SMARCA2: variants seen among roughly 807,000 people sequenced by gnomAD.
The protein encoded by SMARCA2 is SWI/SNF-related matrix-associated actin-dependent regulator of chromatin subfamily A member 2.
SMARCA2 carries 61 observed loss-of-function variants against 199.8 expected under a neutral mutation model. That is an observed-to-expected ratio of 0.31 (90% CI 0.25 to 0.38). The LOEUF (loss-of-function observed/expected upper bound fraction) is 0.38. Among genes scored for constraint, SMARCA2 ranks in the 10% least tolerant of loss-of-function variants. The probability of loss-of-function intolerance (pLI) is 1.00; values close to 1 mark genes in which losing one functional copy is unlikely to be tolerated. For synonymous variants in SMARCA2, 935 were observed against 732.0 expected (o/e 1.28, Z -4.48); for missense variants, 1,344 against 2,012.2 (o/e 0.67, Z 6.35).
At chr9:2,152,571 G>A (rs1027664846) in intron 27 of SMARCA2, among the ~76,000 whole-genome samples, 1 of 145,042 alleles carries the variant, frequency 6.9e-6, no homozygotes, top group Non-Finnish European at 1.5e-5. Context: ...AAAAAATAAG[G>A]TCGGGTGCAT....
intron 27 of SMARCA2, among the ~76,000 whole-genome samples, chr9:2,136,723 A>C (rs1195590819): frequency 6.6e-6 from 1 of 152,192 alleles, no homozygotes; most frequent in African/African-American, 2.4e-5. Context: ...AATATTGCAC[A>C]GTTAGCCACC....
intron 24 of SMARCA2, among the ~76,000 whole-genome samples, chr9:2,113,348 G>A (rs1004665773): frequency 1.2e-4 from 18 of 152,156 alleles, no homozygotes; most frequent in African/African-American, 3.9e-4. Flanking sequence ...TTTTACCCAC[G>A]GAGCTGCAGC....
At chr9:2,182,011 C>T (rs1196582372) in intron 30 of SMARCA2, 130 bp from the exon 31 acceptor site, 6 of 734,234 alleles carry the variant, frequency 8.2e-6, no homozygotes, top group Non-Finnish European at 1.5e-5. Flanking sequence ...TGGGGTTATG[C>T]AGTCCCAGAT....
intron 31 of SMARCA2, among the ~76,000 whole-genome samples, chr9:2,182,905 C>T (rs965043862): frequency 1.3e-5 from 2 of 152,116 alleles, no homozygotes; most frequent in African/African-American, 4.8e-5. Flanking sequence ...ATTTTCCTGC[C>T]TTAGCCTCCT....
rs145024512 is a variant in SMARCA2 at position 2,021,579 on chromosome 9, C to T, written c.-37+6175C>T. On this transcript the variant is annotated intron_variant, in intron 1 of 33. Coordinates refer to ENST00000349721, the MANE Select transcript of SMARCA2 (RefSeq NM_003070.5). ...AGAAGGAAAGCCCTCTCCCATCTTCCCCCCTGTGCTTTGTTGAACTGGACA... is the reference window on the plus strand; with the variant it reads ...AGAAGGAAAGCCCTCTCCCATCTTCTCCCCTGTGCTTTGTTGAACTGGACA... Among the ~76,000 whole-genome samples the T allele has an allele frequency of 3.3e-3, 503 of 152,118 alleles. 2 individuals are homozygous for T. Among genetic ancestry groups the T allele is most frequent in the Non-Finnish European group, 4.8e-3 (326 of 67,876 alleles).
At chr9:2,059,833 C>T (rs553068445) in intron 8 of SMARCA2, among the ~76,000 whole-genome samples, 1 of 152,212 alleles carries the variant, frequency 6.6e-6, no homozygotes, top group Admixed American at 6.5e-5. Flanking sequence ...TTTGTTTTTG[C>T]AATGGAGTTG....
chr9:2,073,558 T>A lies in SMARCA2; in HGVS notation c.1878-8T>A. On this transcript the variant is annotated splice_region_variant and splice_polypyrimidine_tract_variant and intron_variant, in intron 11 of 33. Coordinates refer to ENST00000349721, the MANE Select transcript of SMARCA2 (RefSeq NM_003070.5). ...AGCCCCCTCCTCTTCCTCACTCTTT[T>A]TCCTTAGTTATGAAGTTGCCCCTAG... 6.2e-7 allele frequency: 1 copy of A among 1,609,862 alleles called. No homozygotes were observed. The highest frequency in any genetic ancestry group is 8.5e-7 in the Non-Finnish European group (1 of 1,176,480).
chr9:2,179,430 A>AT (rs966309755), intron 29 of SMARCA2, among the ~76,000 whole-genome samples: 24 of 152,166 alleles, frequency 1.6e-4, no homozygotes, highest in Non-Finnish European at 2.5e-4. Context: ...GTGAGCCTTT[A>AT]TTTTTTAAAC....
In SMARCA2 at chr9:2,159,181, C is replaced by T. The variant is rs141475064; in HGVS notation, c.3982-2505C>T. On this transcript the variant is annotated intron_variant, in intron 27 of 33. Coordinates refer to ENST00000349721, the MANE Select transcript of SMARCA2 (RefSeq NM_003070.5). Reference sequence around the variant, plus strand: ...TTTTTCCCTCTTTTCAAAATTAAGGCGGGGTGAGAGTAGAAATATCCTTTT... The same window carrying T: ...TTTTTCCCTCTTTTCAAAATTAAGGTGGGGTGAGAGTAGAAATATCCTTTT... Among the ~76,000 whole-genome samples the T allele has an allele frequency of 3.5e-3, 532 of 152,258 alleles. 2 individuals carry two copies. Among genetic ancestry groups the T allele is most frequent in the African/African-American group, 0.012 (504 of 41,564 alleles).
chr9:2,157,975 G>T lies in SMARCA2; in HGVS notation c.3982-3711G>T, dbSNP rs186708508. The T allele has an allele frequency of 3.0e-5, 12 of 397,660 alleles. No individual in the cohort carries two copies. The East Asian group carries it at 4.3e-4, about 14-fold the overall frequency. The allele number at this position is 397,660 out of a possible 1,614,324, so 24.6% of individuals were successfully genotyped here. A position where few individuals can be genotyped will look rare whatever the true frequency, so the allele number is the denominator to read the frequency against. On this transcript the variant is annotated intron_variant, in intron 27 of 33. Coordinates refer to ENST00000349721, the MANE Select transcript of SMARCA2 (RefSeq NM_003070.5). ...CCATGTGCTTTGCTAGCTGCAAAGCGTTTCCTCTAGAACAGCTAATCCTGC... is the reference window on the plus strand; with the variant it reads ...CCATGTGCTTTGCTAGCTGCAAAGCTTTTCCTCTAGAACAGCTAATCCTGC...
At chr9:2,179,040 G>A (rs551394013) in intron 29 of SMARCA2, among the ~76,000 whole-genome samples, 1 of 152,214 alleles carries the variant, frequency 6.6e-6, no homozygotes, top group South Asian at 2.1e-4. Context: ...TGGACAATGG[G>A]TTCTTGGTCC....
At chr9:2,164,965 T>A (rs1825865953) in intron 28 of SMARCA2, among the ~76,000 whole-genome samples, 2 of 152,200 alleles carry the variant, frequency 1.3e-5, no homozygotes, top group South Asian at 4.1e-4. Flanking sequence ...TTTGTATTTC[T>A]CTTTAACTTG....
At position 2,170,472 on chromosome 9, in the gene SMARCA2, G is replaced by C; in HGVS notation, c.4253G>C (p.Ser1418Thr). 1.2e-6 allele frequency: 2 copies of C among 1,614,080 alleles called. No homozygotes were observed. Among genetic ancestry groups the C allele is most frequent in the South Asian group, 1.1e-5 (1 of 91,076 alleles). Residue 1418 changes from serine to threonine, a missense_variant and splice_region_variant, in exon 29 of 34, where the codon AGT (serine) becomes ACT (threonine). By Grantham distance (58) the Ser-to-Thr change is moderately conservative. Coordinates refer to ENST00000349721, the MANE Select transcript of SMARCA2 (RefSeq NM_003070.5). This position sits in a 1 kb window ranked among gnomAD's most constrained non-coding sequence, Gnocchi z 4.7. ...TCTCAGTTGGAAATAGAAGGAAACA[G>C]GTCAGGATCTGTCTTGTATTCCCCT... Reference protein sequence around the residue: ...SNSQLEIEGNSSGRQLSEVFI... With the variant: ...SNSQLEIEGNTSGRQLSEVFI...
In SMARCA2 at chr9:2,154,929, T is replaced by C. The variant is rs199752313; in HGVS notation, c.3982-6757T>C. On this transcript the variant is annotated intron_variant, in intron 27 of 33. Transcript: ENST00000349721. ...ATGGAGTTCCTGACTGTGTTAAGAG[T>C]AGATAGTAACTTGATTGATGATCTC... 4.6e-5 allele frequency among the ~76,000 whole-genome samples: 7 copies of C among 151,916 alleles called. No homozygotes were observed. The East Asian group carries it at 1.4e-3, about 29-fold the overall frequency.
At chr9:2,181,246 G>T (rs1193370673) in intron 29 of SMARCA2, 5 of 206,214 alleles carry the variant, frequency 2.4e-5, no homozygotes, top group South Asian at 8.2e-5. Context: ...ATTTAAAAAT[G>T]AAATTTTTAG....
chr9:2,166,781 T>A lies in SMARCA2; in HGVS notation c.4200-3638T>A, dbSNP rs116464481. ...AGTAATCCTTAAGGTTGGCTACCCA[T>A]CAGTGAACTCATATAGCCATGCTCT... On this transcript the variant is annotated intron_variant, in intron 28 of 33. Transcript: ENST00000349721. 4.4e-3 allele frequency among the ~76,000 whole-genome samples: 665 copies of A among 152,332 alleles called. 7 individuals carry two copies. Among genetic ancestry groups the A allele is most frequent in the African/African-American group, 0.015 (630 of 41,578 alleles).
chr9:2,074,807 G>C (rs1229640880), intron 12 of SMARCA2, among the ~76,000 whole-genome samples: 1 of 152,208 alleles, frequency 6.6e-6, no homozygotes, highest in Non-Finnish European at 1.5e-5. Flanking sequence ...AGAGACTGCA[G>C]TGAGCTGAGG....
At chr9:2,077,934 T>G (rs946198250) in intron 14 of SMARCA2, among the ~76,000 whole-genome samples, 158 bp downstream of exon 14, 11 of 152,226 alleles carry the variant, frequency 7.2e-5, no homozygotes, top group African/African-American at 2.7e-4. Context: ...ATGATTCTTC[T>G]TTTAGAGTAC....
At chr9:2,090,659 T>C (rs1822014152) in intron 19 of SMARCA2, among the ~76,000 whole-genome samples, 1 of 152,182 alleles carries the variant, frequency 6.6e-6, no homozygotes, top group Non-Finnish European at 1.5e-5. Context: ...CCACTCATGT[T>C]GCTGTCTCTG....
Sources: allele counts gnomAD v4.1 joint callset (sites outside exome capture counted in the v4.1 genomes callset), GRCh38; gene constraint gnomAD v4.1.1; non-coding constraint Gnocchi (gnomAD v3.1); transcripts MANE v1.5; gene names NCBI Gene and HGNC (gene_info 2026-07-23, HGNC 2026-07-21).